RGS7: variants seen among roughly 807,000 people sequenced by gnomAD.
RGS7 encodes regulator of G protein signaling 7.
A neutral mutation model predicts 81.1 loss-of-function variants in RGS7; 27 were observed. The ratio of observed to expected loss-of-function variants is 0.33; its 90% CI spans 0.25 to 0.46. RGS7 has a LOEUF of 0.46. Ranked by LOEUF, RGS7 falls within the 20% of genes least tolerant of loss-of-function variation. RGS7 has a pLI of 1.00. For synonymous variants in RGS7, 208 were observed against 207.7 expected, an observed-to-expected ratio of 1.00 and a Z score of -0.01; for missense variants, 396 against 607.4, an observed-to-expected ratio of 0.65 and a Z score of 3.66.
At chr1:241,195,597 A>G (rs541446523) in intron 2 of RGS7, among the ~76,000 whole-genome samples, 6 of 152,334 alleles carry the variant, frequency 3.9e-5, no homozygotes, top group Non-Finnish European at 7.3e-5. Flanking sequence ...AGGACTTAAG[A>G]TAACAGTGAT....
intron 6 of RGS7, chr1:240,920,369 T>C (rs1673312350): frequency 6.5e-7 from 1 of 1,537,406 alleles, no homozygotes; most frequent in Non-Finnish European, 8.9e-7. Context: ...ATGGTGGCAG[T>C]GGGGATGGCT....
At chr1:240,793,420 G>T (rs1366612770) in intron 18 of RGS7, among the ~76,000 whole-genome samples, 1 of 151,722 alleles carries the variant, frequency 6.6e-6, no homozygotes, top group Non-Finnish European at 1.5e-5. Flanking sequence ...AGCCATATCT[G>T]CCAACTACAA....
chr1:241,052,720 ACTAATAG>A (rs1245602083), intron 3 of RGS7, among the ~76,000 whole-genome samples: 2 of 152,026 alleles, frequency 1.3e-5, no homozygotes, highest in African/African-American at 4.8e-5. Flanking sequence ...AAAGTATTGA[ACTAATAG>A]CTATTCCCTG....
chr1:241,061,915 T>C (rs759520475), intron 3 of RGS7, among the ~76,000 whole-genome samples: 17 of 152,326 alleles, frequency 1.1e-4, no homozygotes, highest in Middle Eastern at 3.4e-3. Context: ...TCTACCTAGC[T>C]GCAAGCTCCA....
intron 10 of RGS7, chr1:240,823,095 G>A: frequency 1.1e-6 from 1 of 907,718 alleles, no homozygotes; most frequent in East Asian, 2.4e-5. Context: ...AAATAAGTGA[G>A]TCTAAAGAAT....
At chr1:240,880,201 C>T (rs1666134589) in intron 6 of RGS7, among the ~76,000 whole-genome samples, 1 of 152,180 alleles carries the variant, frequency 6.6e-6, no homozygotes, top group Admixed American at 6.5e-5. Context: ...TGCCACCATG[C>T]CTGGCTAATT....
At chr1:240,810,200 T>C (rs1689597068) in intron 14 of RGS7, among the ~76,000 whole-genome samples, 1 of 152,118 alleles carries the variant, frequency 6.6e-6, no homozygotes, top group Admixed American at 6.6e-5. Context: ...TAAACACCCA[T>C]GATTTTGTGC....
At chr1:241,205,999 G>GC (rs1553284140) in intron 2 of RGS7, among the ~76,000 whole-genome samples, 11,699 of 144,124 alleles carry the variant, frequency 0.081, 1,322 homozygotes, top group African/African-American at 0.26. Flanking sequence ...TTTCGTAAGT[G>GC]TTTTTTTTTT....
At chr1:241,101,312 A>G (rs923919951) in intron 2 of RGS7, among the ~76,000 whole-genome samples, 1 of 152,112 alleles carries the variant, frequency 6.6e-6, no homozygotes, top group African/African-American at 2.4e-5. Flanking sequence ...CCTGGCCAAC[A>G]TGGCGCAACC....
chr1:240,943,767 G>A (rs1393562818), intron 4 of RGS7, among the ~76,000 whole-genome samples: 1 of 152,036 alleles, frequency 6.6e-6, no homozygotes, highest in African/African-American at 2.4e-5. Context: ...CACACGCTAG[G>A]TTTACAAAAC....
chr1:240,911,750 T>G (rs1230219893), intron 6 of RGS7, among the ~76,000 whole-genome samples: 1 of 152,124 alleles, frequency 6.6e-6, no homozygotes, highest in African/African-American at 2.4e-5. Flanking sequence ...TCAGAAACCT[T>G]GGGTTCCAAT....
chr1:241,047,658 C>G (rs371813437), intron 3 of RGS7, among the ~76,000 whole-genome samples: 2 of 151,548 alleles, frequency 1.3e-5, no homozygotes, highest in Non-Finnish European at 2.9e-5. Flanking sequence ...CAAGTAAACA[C>G]GATACACTTG....
intron 4 of RGS7, among the ~76,000 whole-genome samples, chr1:240,950,468 C>T (rs1175224461): frequency 1.3e-5 from 2 of 152,136 alleles, no homozygotes; most frequent in Non-Finnish European, 2.9e-5. Context: ...AAGCAAACAA[C>T]ATTAACAGGG....
At chr1:241,076,533 T>A (rs746977836) in intron 3 of RGS7, among the ~76,000 whole-genome samples, 1 of 152,172 alleles carries the variant, frequency 6.6e-6, no homozygotes, top group African/African-American at 2.4e-5. Flanking sequence ...TGAATCAATA[T>A]CAAAGTTTAA....
chr1:240,914,838 C>T (rs1372417605), intron 6 of RGS7, among the ~76,000 whole-genome samples: 3 of 152,018 alleles, frequency 2.0e-5, no homozygotes, highest in African/African-American at 7.3e-5. Context: ...ACCATTGACC[C>T]CATGATTGGA....
intron 4 of RGS7, among the ~76,000 whole-genome samples, chr1:240,962,165 G>A (rs1043591619): frequency 4.6e-5 from 7 of 151,998 alleles, no homozygotes; most frequent in African/African-American, 1.5e-4. Flanking sequence ...TTCTCTCAAA[G>A]GTCACCAATG....
At chr1:240,946,134 T>A (rs1678566967) in intron 4 of RGS7, among the ~76,000 whole-genome samples, 1 of 152,236 alleles carries the variant, frequency 6.6e-6, no homozygotes, top group Non-Finnish European at 1.5e-5. Flanking sequence ...TTATAACTAC[T>A]GCCTAACAAT....
intron 3 of RGS7, among the ~76,000 whole-genome samples, chr1:241,008,120 A>G (rs535507536): frequency 2.2e-4 from 23 of 106,684 alleles, no homozygotes; most frequent in African/African-American, 9.6e-4. Flanking sequence ...GCAACAAAAG[A>G]CAAACAAACA....
chr1:240,914,261 T>C (rs573806752), intron 6 of RGS7, among the ~76,000 whole-genome samples: 1 of 152,324 alleles, frequency 6.6e-6, no homozygotes, highest in Non-Finnish European at 1.5e-5. Flanking sequence ...GTAGAAAATG[T>C]ATAAAGTTTA....
Sources: allele counts gnomAD v4.1 joint callset (sites outside exome capture counted in the v4.1 genomes callset), GRCh38; gene constraint gnomAD v4.1.1; transcripts MANE v1.5; gene names NCBI Gene and HGNC (gene_info 2026-07-23, HGNC 2026-07-21).